RNASET2: variants seen among roughly 807,000 people sequenced by gnomAD.
The protein encoded by RNASET2 is ribonuclease 6.
In RNASET2, 28 loss-of-function variants were observed where a neutral mutation model predicts 33.9. That is an observed-to-expected ratio of 0.83 (90% confidence interval 0.61 to 1.13). RNASET2 has a LOEUF of 1.13. Among genes scored for constraint, RNASET2 ranks in the 50% most tolerant of loss-of-function variants. The pLI, the probability that RNASET2 is intolerant of heterozygous loss-of-function variation, is 0.00. For synonymous variants in RNASET2, 123 were observed against 121.0 expected (o/e 1.02, Z -0.11); for missense variants, 330 against 319.9 (o/e 1.03, Z -0.24).
chr6:166,946,803 TG>T (rs769012806), intron 3 of RNASET2, 64 bp from the exon 4 acceptor site: 10 of 947,090 alleles, frequency 1.1e-5, no homozygotes, highest in Non-Finnish European at 1.7e-5. Context: ...GGCTTCTACA[TG>T]ACCTTAGAAA....
In RNASET2 at chr6:166,923,803, G is replaced by C. The variant is rs1778267724; in HGVS notation, c.*5785C>G. ...GCCCAAATACTGACTTCATATCTGTGATTGTATCCTGGTAATTTCATTTCA... is the reference window on the plus strand; with the variant it reads ...GCCCAAATACTGACTTCATATCTGTCATTGTATCCTGGTAATTTCATTTCA... On this transcript the variant is annotated 3_prime_UTR_variant, in exon 9 of 9. Coordinates refer to ENST00000508775, the MANE Select transcript of RNASET2 (RefSeq NM_003730.6). Among the ~76,000 whole-genome samples, 1 of 152,270 alleles carries C rather than the reference G, an allele frequency of 6.6e-6. No individual in the cohort carries two copies. The highest frequency in any genetic ancestry group is 2.4e-5 in the African/African-American group (1 of 41,546).
intron 6 of RNASET2, 124 bp from the exon 7 acceptor site, chr6:166,934,260 C>T (rs1044214376): frequency 1.4e-6 from 1 of 719,388 alleles, no homozygotes; most frequent in Non-Finnish European, 2.5e-6. Context: ...TTTTCTATGA[C>T]TTTATGCAAC....
intron 4 of RNASET2, 130 bp downstream of exon 4, chr6:166,946,552 C>G: frequency 1.4e-6 from 1 of 693,138 alleles, no homozygotes; most frequent in South Asian, 1.6e-5. Context: ...AAAACAGCAG[C>G]AAGGGCTCAA....
intron 5 of RNASET2, among the ~76,000 whole-genome samples, 191 bp downstream of exon 5, chr6:166,942,828 A>G (rs1778723302): frequency 6.6e-6 from 1 of 152,232 alleles, no homozygotes; most frequent in Non-Finnish European, 1.5e-5. Flanking sequence ...TCAATTTTTT[A>G]TACATTGGAG....
chr6:166,942,688 C>T (rs552191531), intron 5 of RNASET2, among the ~76,000 whole-genome samples: 5 of 151,678 alleles, frequency 3.3e-5, no homozygotes, highest in Non-Finnish European at 5.9e-5. Context: ...GCAATCCACC[C>T]GCCTCAGCCT....
chr6:166,946,812 A>T (rs1427844452), intron 3 of RNASET2, 73 bp from the exon 4 acceptor site: 2 of 840,300 alleles, frequency 2.4e-6, no homozygotes. Flanking sequence ...ATGACCTTAG[A>T]AAACACTTTC....
At chr6:166,943,904 G>A (rs1380950611) in intron 4 of RNASET2, 7 of 323,660 alleles carry the variant, frequency 2.2e-5, no homozygotes, top group East Asian at 1.0e-4. Flanking sequence ...GGCGGATCAC[G>A]AGGTCAGGAG....
Position 166,926,543 on chromosome 6 carries a change from AAAAAAGAAAAG to A in RNASET2, c.*3034_*3044del, listed in dbSNP as rs1170212620. Among the ~76,000 whole-genome samples the A allele has an allele frequency of 6.6e-6, 1 of 151,394 alleles. No homozygotes were observed. Among genetic ancestry groups the A allele is most frequent in the Non-Finnish European group, 1.5e-5 (1 of 67,872 alleles). On this transcript the variant is annotated 3_prime_UTR_variant, in exon 9 of 9. Transcript: ENST00000508775. The stretch of plus-strand genomic sequence containing the variant: ...AGTGAGACTCAGTCTCAAAAAAAAA[AAAAAAGAAAAG>A]AAAAGAAAAGATATCTAGTTCTGAA...
chr6:166,956,150 C>T lies in RNASET2; in HGVS notation c.33G>A (p.Leu11=). 6.4e-7 allele frequency: 1 copy of T among 1,550,818 alleles called. No individual in the cohort carries two copies. The highest frequency in any genetic ancestry group is 8.7e-7 in the Non-Finnish European group (1 of 1,146,848). MRPAALRGAL[L]GCLCLALLCL... is the part of the protein sequence containing the mutation. ...AAAGCAACGCCAGGCAGAGGCAGCC[C>T]AGCAGGGCCCCGCGCAGGGCTGCAG... The change falls in exon 1 of 9, where the codon CTG becomes CTA. Residue 11 remains leucine, a synonymous_variant. Transcript: ENST00000508775.
At position 166,938,619 on chromosome 6, in the gene RNASET2, G is replaced by A. The variant is rs750667358; in HGVS notation, c.446+276C>T. 9.1e-5 allele frequency: 63 copies of A among 694,982 alleles called. 1 individual carries two copies. Among genetic ancestry groups the A allele is most frequent in the Middle Eastern group, 4.9e-4 (2 of 4,048 alleles). 43.1% of individuals were successfully genotyped at this position (694,982 alleles called of 1,614,324 possible). On this transcript the variant is annotated intron_variant, in intron 6 of 8. Coordinates refer to ENST00000508775, the MANE Select transcript of RNASET2 (RefSeq NM_003730.6). ...ACGGCACATGCTGGTTGGAGTCCTC[G>A]TTTTCCCTATGGCCGACTCTGATGA...
chr6:166,955,967 T>A (rs1779154672), intron 1 of RNASET2, 130 bp downstream of exon 1: 2 of 1,109,136 alleles, frequency 1.8e-6, no homozygotes, highest in African/African-American at 3.2e-5. Context: ...CGTGCTCGGC[T>A]CCCCCCGCCC....
At chr6:166,955,779 C>T in intron 1 of RNASET2, 1 of 984,072 alleles carries the variant, frequency 1.0e-6, no homozygotes, top group Non-Finnish European at 1.2e-6. Context: ...GCCCAGGGCT[C>T]CCCCCAACCC....
rs1778504687 is a variant in RNASET2 at position 166,933,916 on chromosome 6, A to G, written c.492+175T>C. The G allele has an allele frequency of 1.5e-6, 1 of 658,984 alleles. No homozygotes were observed. The highest frequency in any genetic ancestry group is 2.8e-6 in the Non-Finnish European group (1 of 363,370). 40.8% of individuals were successfully genotyped at this position (658,984 alleles called of 1,614,324 possible). On this transcript the variant is annotated intron_variant, in intron 7 of 8. Coordinates refer to ENST00000508775, the MANE Select transcript of RNASET2 (RefSeq NM_003730.6). This position sits in a 1 kb window ranked among gnomAD's most constrained non-coding sequence, Gnocchi z 4.1. The stretch of plus-strand genomic sequence containing the variant: ...CTGGTCTAAGCAGCCTTCAGCTCCT[A>G]CTCAACATGCGCAGGAAAATAAAAT...
intron 4 of RNASET2, among the ~76,000 whole-genome samples, chr6:166,944,314 G>C (rs1325312281): frequency 6.6e-6 from 1 of 151,978 alleles, no homozygotes; most frequent in Non-Finnish European, 1.5e-5. Flanking sequence ...CAGTAAAAAG[G>C]TGCTTAACAA....
intron 3 of RNASET2, 163 bp downstream of exon 3, chr6:166,948,407 G>A (rs1181535651): frequency 1.4e-6 from 1 of 700,484 alleles, no homozygotes; most frequent in Non-Finnish European, 2.6e-6. Context: ...AAGAGAATCA[G>A]GGTTCTGCTA....
chr6:166,952,576 C>T, intron 1 of RNASET2, 28 bp from the exon 2 acceptor site: 2 of 1,583,916 alleles, frequency 1.3e-6, no homozygotes, highest in Non-Finnish European at 1.7e-6. Flanking sequence ...ACTTATTTTT[C>T]AAGAACTTTT....
At chr6:166,942,278 C>T (rs2128645651) in intron 5 of RNASET2, among the ~76,000 whole-genome samples, 1 of 152,260 alleles carries the variant, frequency 6.6e-6, no homozygotes, top group South Asian at 2.1e-4. Context: ...GTCTCGAACT[C>T]CTGACCTCAA....
chr6:166,952,085 G>T (rs6928890), intron 2 of RNASET2, among the ~76,000 whole-genome samples: 27,011 of 152,168 alleles, frequency 0.18, 3,087 homozygotes, highest in African/African-American at 0.33. Flanking sequence ...AGAACACACC[G>T]TGAAGGAGAA....
chr6:166,940,143 C>T (rs1419418593), intron 5 of RNASET2, among the ~76,000 whole-genome samples: 2 of 152,142 alleles, frequency 1.3e-5, no homozygotes, highest in South Asian at 2.1e-4. Context: ...GAATGACTGG[C>T]GTGTCATCAG....
Sources: gnomAD v4.1 joint callset for allele counts (sites outside exome capture counted in the v4.1 genomes callset) on GRCh38, gnomAD v4.1.1 for gene constraint, Gnocchi (gnomAD v3.1) non-coding constraint, MANE v1.5 for transcripts, NCBI Gene and HGNC (gene_info 2026-07-23, HGNC 2026-07-21) for gene names.